Variants in NRL observed in about 807,000 individuals in gnomAD.
The protein encoded by NRL is neural retina-specific leucine zipper protein.
NRL carries 16 observed loss-of-function variants against 12.5 expected under a neutral mutation model. The observed-to-expected ratio is 1.28, with a 90% CI of 0.87 to 1.95. The LOEUF is 1.95. Among genes scored for constraint, NRL ranks in the 30% most tolerant of loss-of-function variants. NRL has a pLI of 0.00. For synonymous variants in NRL, 142 were observed against 150.9 expected, an observed-to-expected ratio of 0.94 and a Z score of 0.43; for missense variants, 314 against 325.8, an observed-to-expected ratio of 0.96 and a Z score of 0.28.
At chr14:24,103,690 A>G in intron 1 of NRL, 1 of 1,614,104 alleles carries the variant, frequency 6.2e-7, no homozygotes, top group Non-Finnish European at 8.5e-7. Flanking sequence ...GGCTTTGGGG[A>G]GAATGCTCGG....
chr14:24,107,509 T>C (rs1408044716), intron 1 of NRL, among the ~76,000 whole-genome samples: 2 of 136,394 alleles, frequency 1.5e-5, no homozygotes, highest in African/African-American at 5.5e-5. Context: ...CACCCCTTCC[T>C]GCCATAGTGG....
intron 1 of NRL, chr14:24,103,534 T>C (rs370059162): frequency 6.4e-7 from 1 of 1,559,506 alleles, no homozygotes; most frequent in African/African-American, 1.4e-5. Flanking sequence ...CACGACCCAT[T>C]TGCCATGCGG....
At chr14:24,098,562 A>G (rs1398271753) in intron 1 of NRL, 1 of 1,613,978 alleles carries the variant, frequency 6.2e-7, no homozygotes, top group Non-Finnish European at 8.5e-7. Flanking sequence ...GACTCAGCCT[A>G]TGTGGTGGCA....
chr14:24,109,471 A>T (rs1173534617), intron 1 of NRL, among the ~76,000 whole-genome samples: 1 of 152,104 alleles, frequency 6.6e-6, no homozygotes, highest in Non-Finnish European at 1.5e-5. Flanking sequence ...CTAGGTGGTC[A>T]GATCATGAGG....
intron 1 of NRL, among the ~76,000 whole-genome samples, chr14:24,084,348 GTTGT>G (rs2036411578): frequency 6.6e-6 from 1 of 152,240 alleles, no homozygotes; most frequent in Non-Finnish European, 1.5e-5. Context: ...AGTGGGGAAG[GTTGT>G]TTATCTTTCT....
At chr14:24,084,309 C>G (rs2036410124) in intron 1 of NRL, among the ~76,000 whole-genome samples, 1 of 152,124 alleles carries the variant, frequency 6.6e-6, no homozygotes, top group Non-Finnish European at 1.5e-5. Context: ...AGAGAGGTAT[C>G]CAGAAAGAAC....
intron 1 of NRL, chr14:24,099,668 G>C (rs775226773): frequency 6.2e-7 from 1 of 1,613,828 alleles, no homozygotes; most frequent in South Asian, 1.1e-5. Context: ...TGCCAGGCTG[G>C]AAAGTGGAGT....
rs201015155 is a variant in NRL, at chr14:24,102,921, C to A, written c.-28+11801G>T. The A allele has an allele frequency of 3.8e-4, 612 of 1,603,300 alleles. 6 individuals carry two copies. Among genetic ancestry groups the A allele is most frequent in the South Asian group, 3.4e-3 (304 of 90,488 alleles). ...CAACATATGAGCTCCATGTTCTTGG[C>A]AAAAGGGCTATCTCTGTATTAGGGC... On this transcript the variant is annotated intron_variant, in intron 1 of 2. Coordinates refer to ENST00000561028, the MANE Select transcript of NRL (RefSeq NM_001354768.3).
intron 1 of NRL, among the ~76,000 whole-genome samples, chr14:24,090,105 C>T (rs963463517): frequency 6.6e-6 from 1 of 151,810 alleles, no homozygotes; most frequent in Non-Finnish European, 1.5e-5. Context: ...GATTTGTGTT[C>T]GGAAGGATCA....
chr14:24,108,436 C>A (rs1301324558), intron 1 of NRL, among the ~76,000 whole-genome samples: 1 of 151,900 alleles, frequency 6.6e-6, no homozygotes, highest in East Asian at 1.9e-4. Context: ...TTCCTGGGCT[C>A]AAATGATCCT....
chr14:24,098,531 C>T (rs763598855), intron 1 of NRL: 32 of 1,614,168 alleles, frequency 2.0e-5, no homozygotes, highest in Non-Finnish European at 2.5e-5. Flanking sequence ...CCCGCTGTCC[C>T]GCATCGGGGT....
intron 1 of NRL, chr14:24,103,252 A>G: frequency 6.2e-7 from 1 of 1,611,348 alleles, no homozygotes; most frequent in Non-Finnish European, 8.5e-7. Context: ...AGCAGAACAC[A>G]AAGGTGAGCA....
At chr14:24,101,507 T>C (rs952781511) in intron 1 of NRL, among the ~76,000 whole-genome samples, 2 of 152,200 alleles carry the variant, frequency 1.3e-5, no homozygotes, top group African/African-American at 4.8e-5. Flanking sequence ...AGGTGCCAAG[T>C]GTGACCTGGG....
At chr14:24,098,156 G>A (rs760543031) in intron 1 of NRL, 1 of 1,538,846 alleles carries the variant, frequency 6.5e-7, no homozygotes, top group South Asian at 1.2e-5. Context: ...CTAGGGACAA[G>A]GGAAACCTGC....
At chr14:24,114,385 C>G (rs1029567007) in intron 1 of NRL, 2 of 152,644 alleles carry the variant, frequency 1.3e-5, no homozygotes, top group African/African-American at 2.4e-5. Flanking sequence ...AGGGCAGAAC[C>G]GACTGGAGCT....
intron 1 of NRL, chr14:24,100,655 T>C (rs2037126734): frequency 1.1e-6 from 1 of 894,618 alleles, no homozygotes; most frequent in Non-Finnish European, 1.4e-6. Context: ...TCCATAAAGT[T>C]TGGCCCATTA....
Position 24,096,954 on chromosome 14 carries a change from G to A in NRL, c.-27-14079C>T, listed in dbSNP as rs2229660. On this transcript the variant is annotated intron_variant, in intron 1 of 2. Coordinates refer to ENST00000561028, the MANE Select transcript of NRL (RefSeq NM_001354768.3). ...TCATGCCGTAGCATCCAGACCCTGC[G>A]AGTGCTTAGTGGAGATCTGGGCCAG... The A allele has an allele frequency of 1.2e-4, 186 of 1,613,582 alleles. 1 individual carries two copies. The highest frequency in any genetic ancestry group is 1.0e-3 in the African/African-American group (78 of 74,984).
At chr14:24,103,782 G>GC (rs781142340) in intron 1 of NRL, 1 of 1,614,178 alleles carries the variant, frequency 6.2e-7, no homozygotes, top group African/African-American at 1.3e-5. Context: ...AAAGGAAGGA[G>GC]CCTTGGATCT....
At chr14:24,111,951 C>G (rs1279676798) in intron 1 of NRL, among the ~76,000 whole-genome samples, 1 of 95,856 alleles carries the variant, frequency 1.0e-5, no homozygotes, top group Non-Finnish European at 2.1e-5. Flanking sequence ...TTTGCCCATT[C>G]AGTATGATAT....
Sources: gnomAD v4.1 joint callset for allele counts (sites outside exome capture counted in the v4.1 genomes callset) on GRCh38, gnomAD v4.1.1 for gene constraint, MANE v1.5 for transcripts, NCBI Gene and HGNC (gene_info 2026-07-23, HGNC 2026-07-21) for gene names.